LGR4: variants seen among roughly 807,000 people sequenced by gnomAD.
The protein encoded by LGR4 is leucine rich repeat containing G protein-coupled receptor 4.
Under a neutral mutation model 84.8 loss-of-function variants are expected in LGR4, and 44 were observed. The ratio of observed to expected loss-of-function variants is 0.52; its 90% CI spans 0.41 to 0.67. The LOEUF (loss-of-function observed/expected upper bound fraction) is 0.67, where lower values mean the gene tolerates loss of function less well. Among genes scored for constraint, LGR4 ranks in the 30% least tolerant of loss-of-function variants. The pLI is 0.00. For missense variants in LGR4, 1,032 were observed against 1,131.4 expected, an observed-to-expected ratio of 0.91 and a Z score of 1.26; for synonymous variants, 429 against 434.3, an observed-to-expected ratio of 0.99 and a Z score of 0.15.
chr11:27,417,744 T>C (rs1863847404), intron 1 of LGR4, among the ~76,000 whole-genome samples: 2 of 152,202 alleles, frequency 1.3e-5, no homozygotes, highest in African/African-American at 4.8e-5. Context: ...TCATTACAGA[T>C]TTTTTTCTAT....
At chr11:27,398,186 C>T (rs1215221641) in intron 2 of LGR4, among the ~76,000 whole-genome samples, 1 of 152,176 alleles carries the variant, frequency 6.6e-6, no homozygotes, top group Non-Finnish European at 1.5e-5. Flanking sequence ...CTCTCCCTTC[C>T]AGCAGGGGGA....
At chr11:27,410,802 G>T (rs182307369) in intron 2 of LGR4, among the ~76,000 whole-genome samples, 1 of 152,050 alleles carries the variant, frequency 6.6e-6, no homozygotes, top group Admixed American at 6.6e-5. Flanking sequence ...TGATTTCATG[G>T]GTTTCATTAC....
intron 1 of LGR4, among the ~76,000 whole-genome samples, chr11:27,460,892 C>CTTT (rs879451978): frequency 6.9e-6 from 1 of 144,260 alleles, no homozygotes; most frequent in Non-Finnish European, 1.5e-5. Context: ...ACATCTCAAA[C>CTTT]TTTTTTTTTT....
chr11:27,407,246 C>G (rs1228556078), intron 2 of LGR4, among the ~76,000 whole-genome samples: 1 of 152,126 alleles, frequency 6.6e-6, no homozygotes, highest in Non-Finnish European at 1.5e-5. Context: ...GGCAGCTGAT[C>G]CCCTTTGACA....
chr11:27,439,295 C>T (rs1864261427), intron 1 of LGR4, among the ~76,000 whole-genome samples: 1 of 152,158 alleles, frequency 6.6e-6, no homozygotes, highest in African/African-American at 2.4e-5. Context: ...CTCTAAGTAC[C>T]TATATGAATG....
In LGR4 at chr11:27,396,265, T is replaced by C. The variant is rs961694719; in HGVS notation, c.258-3747A>G. On this transcript the variant is annotated intron_variant, in intron 2 of 17. Coordinates refer to ENST00000379214, the MANE Select transcript of LGR4 (RefSeq NM_018490.5). ...ACAGAAAAGGTGGGGCAGAGTGGAC[T>C]TGAGCAAGTTAACAGCCTTGTCTGA... is the stretch of plus-strand genomic sequence containing the variant. Among the ~76,000 whole-genome samples, 9 of 152,336 alleles carry C rather than the reference T, an allele frequency of 5.9e-5. No homozygotes were observed. In the East Asian group the frequency reaches 1.7e-3, roughly 29 times the overall value.
chr11:27,461,798 C>T lies in LGR4; in HGVS notation c.185+10320G>A, dbSNP rs1864686684. 2.0e-5 allele frequency among the ~76,000 whole-genome samples: 3 copies of T among 149,564 alleles called. No individual in the cohort carries two copies. The South Asian group carries it at 6.3e-4, about 32-fold the overall frequency. On this transcript the variant is annotated intron_variant, in intron 1 of 17. Transcript: ENST00000379214. ...AAGTGATCCAAGAAACTACAGTGGG[C>T]TCTCATTGGCATGAAGGTTCCCAAA... is the stretch of plus-strand genomic sequence containing the variant.
chr11:27,380,829 G>T, intron 8 of LGR4, 66 bp downstream of exon 8: 2 of 1,188,254 alleles, frequency 1.7e-6, no homozygotes, highest in Non-Finnish European at 2.5e-6. Flanking sequence ...TTATCAGGGT[G>T]TTTGGCATTG....
chr11:27,453,931 C>T (rs902171488), intron 1 of LGR4, among the ~76,000 whole-genome samples: 5 of 152,172 alleles, frequency 3.3e-5, no homozygotes, highest in African/African-American at 1.2e-4. Flanking sequence ...ATCCTACACC[C>T]TTTTGGAATT....
intron 1 of LGR4, among the ~76,000 whole-genome samples, chr11:27,449,026 T>A (rs1864438760): frequency 6.6e-6 from 1 of 152,220 alleles, no homozygotes; most frequent in Non-Finnish European, 1.5e-5. Context: ...CTCACCTAGT[T>A]GACAATATCT....
rs1456342449 is a variant in LGR4 at position 27,380,284 on chromosome 11, G to C, written c.958C>G (p.His320Asp). The C allele has an allele frequency of 2.5e-6, 4 of 1,607,888 alleles. No individual in the cohort carries two copies. The Middle Eastern group carries it at 4.9e-4, about 199-fold the overall frequency. Reference protein sequence around the residue: ...QQFPNLTGTVHLESLTLTGTK... With the variant: ...QQFPNLTGTVDLESLTLTGTK... ...GGCCTTACTTACAGACTTTCCAGGT[G>C]GACAGTTCCTGTAAGATTGGGGAAC... The change falls in exon 10 of 18, where the codon CAC becomes GAC. Residue 320 changes from histidine (H) to aspartate (D), a missense_variant. Transcript: ENST00000379214.
At chr11:27,449,798 A>C (rs1262096232) in intron 1 of LGR4, among the ~76,000 whole-genome samples, 1 of 152,122 alleles carries the variant, frequency 6.6e-6, no homozygotes, top group East Asian at 1.9e-4. Flanking sequence ...CTTTAAAAAC[A>C]CTCCAGAAAA....
intron 1 of LGR4, among the ~76,000 whole-genome samples, chr11:27,452,334 C>G (rs1864494313): frequency 6.6e-6 from 1 of 152,144 alleles, no homozygotes; most frequent in Non-Finnish European, 1.5e-5. Flanking sequence ...CCCAGCTTTT[C>G]CCAATGGCAA....
chr11:27,385,902 T>C (rs1411315741), intron 4 of LGR4, among the ~76,000 whole-genome samples: 1 of 151,958 alleles, frequency 6.6e-6, no homozygotes, highest in Non-Finnish European at 1.5e-5. Flanking sequence ...TAAATTTAGT[T>C]GCTACTCTGA....
chr11:27,390,984 T>TA, intron 4 of LGR4, 110 bp downstream of exon 4: 1 of 681,234 alleles, frequency 1.5e-6, no homozygotes, highest in South Asian at 2.2e-5. Flanking sequence ...ATCTCTGTTT[T>TA]TATCTCAGAT....
At chr11:27,420,474 T>A (rs1426372325) in intron 1 of LGR4, among the ~76,000 whole-genome samples, 7 of 152,116 alleles carry the variant, frequency 4.6e-5, no homozygotes, top group African/African-American at 1.7e-4. Context: ...GATGATCGAA[T>A]CAGACCTGGA....
At chr11:27,433,131 T>G (rs987935402) in intron 1 of LGR4, among the ~76,000 whole-genome samples, 5 of 152,222 alleles carry the variant, frequency 3.3e-5, no homozygotes, top group African/African-American at 9.6e-5. Context: ...AATTAAAAAC[T>G]AAAACAAAAA....
At chr11:27,436,661 A>C (rs1240114540) in intron 1 of LGR4, among the ~76,000 whole-genome samples, 1 of 152,216 alleles carries the variant, frequency 6.6e-6, no homozygotes, top group Non-Finnish European at 1.5e-5. Context: ...AAATCATGAT[A>C]GCAGTAAAGA....
rs756869357 is a variant in LGR4, at chr11:27,369,152, A to AC, written c.1580-10_1580-9insG. ...ACAGGGCTTAAAAGCACCTAAAAAA[A>AC]ACACACACAGAGAGAGAGAAATAAA... On this transcript the variant is annotated splice_polypyrimidine_tract_variant and intron_variant, in intron 17 of 17. Transcript: ENST00000379214. 2.5e-4 allele frequency: 385 copies of AC among 1,571,016 alleles called. No individual in the cohort carries two copies. Among genetic ancestry groups the AC allele is most frequent in the Middle Eastern group, 1.5e-3 (8 of 5,514 alleles).
Sources: gnomAD v4.1 joint callset for allele counts (sites outside exome capture counted in the v4.1 genomes callset) on GRCh38, gnomAD v4.1.1 for gene constraint, MANE v1.5 for transcripts, NCBI Gene and HGNC (gene_info 2026-07-23, HGNC 2026-07-21) for gene names.